RNF130: variants seen among roughly 807,000 people sequenced by gnomAD.
RNF130 encodes the protein ring finger protein 130.
A neutral mutation model predicts 44.6 loss-of-function variants in RNF130; 21 were observed. That is an observed-to-expected ratio of 0.47 (90% CI 0.33 to 0.68). RNF130 has a LOEUF of 0.68. Ranked by LOEUF, RNF130 falls within the 30% of genes least tolerant of loss-of-function variation. The probability of loss-of-function intolerance (pLI) is 0.02; values close to 1 mark genes in which losing one functional copy is unlikely to be tolerated. For synonymous variants in RNF130, 214 were observed against 210.4 expected (o/e 1.02, Z -0.15); for missense variants, 479 against 560.6 (o/e 0.85, Z 1.47).
intron 1 of RNF130, among the ~76,000 whole-genome samples, chr5:180,056,230 A>C (rs1336843389): frequency 6.7e-6 from 1 of 149,346 alleles, no homozygotes; most frequent in Non-Finnish European, 1.5e-5. Flanking sequence ...CTAAGTGTTG[A>C]GCCTTAAGAT....
At chr5:180,026,809 T>C (rs1255099314) in intron 2 of RNF130, among the ~76,000 whole-genome samples, 1 of 152,238 alleles carries the variant, frequency 6.6e-6, no homozygotes, top group Non-Finnish European at 1.5e-5. Context: ...ATATTTATTT[T>C]GTTCAGGGCA....
intron 1 of RNF130, among the ~76,000 whole-genome samples, chr5:180,050,387 T>C (rs904996537): frequency 4.6e-5 from 7 of 152,348 alleles, no homozygotes; most frequent in African/African-American, 1.7e-4. Context: ...TTTTTTGTTC[T>C]ATTCATGCCA....
chr5:179,974,034 AG>A (rs1382788579), intron 5 of RNF130, among the ~76,000 whole-genome samples: 3 of 152,194 alleles, frequency 2.0e-5, no homozygotes, highest in South Asian at 2.1e-4. Flanking sequence ...GTGCTGCGGG[AG>A]GGGAGGCCTC....
intron 1 of RNF130, among the ~76,000 whole-genome samples, chr5:180,041,847 C>T (rs976302994): frequency 1.2e-4 from 18 of 152,120 alleles, no homozygotes; most frequent in African/African-American, 4.1e-4. Flanking sequence ...GAAGCCGAGG[C>T]AGGTAGATTG....
At chr5:180,024,617 GATAA>G (rs1763947411) in intron 2 of RNF130, among the ~76,000 whole-genome samples, 1 of 152,110 alleles carries the variant, frequency 6.6e-6, no homozygotes, top group Admixed American at 6.5e-5. Flanking sequence ...GACACTTTCG[GATAA>G]ATAAATGTTG....
At position 179,966,797 on chromosome 5, in the gene RNF130, C is replaced by A; in HGVS notation, c.1150+9G>T. Reference sequence around the variant, plus strand: ...CATGCCCTGTGCCTGAGCGGAGGCCCCCACTTACTTGTTACTGCAATGTTG... The same window carrying A: ...CATGCCCTGTGCCTGAGCGGAGGCCACCACTTACTTGTTACTGCAATGTTG... On this transcript the variant is annotated intron_variant, in intron 7 of 8. Transcript: ENST00000521389. The A allele has an allele frequency of 1.2e-6, 2 of 1,611,432 alleles. No individual in the cohort carries two copies. The highest frequency in any genetic ancestry group is 1.1e-5 in the South Asian group (1 of 90,526).
At chr5:179,979,702 C>A (rs1186178924) in intron 4 of RNF130, among the ~76,000 whole-genome samples, 1 of 152,172 alleles carries the variant, frequency 6.6e-6, no homozygotes, top group Non-Finnish European at 1.5e-5. Flanking sequence ...AGGGATGACC[C>A]TGACACACTT....
intron 2 of RNF130, among the ~76,000 whole-genome samples, chr5:180,017,809 G>A (rs893246128): frequency 2.6e-5 from 4 of 152,148 alleles, no homozygotes; most frequent in Admixed American, 6.5e-5. Context: ...TTTGGGCTCC[G>A]GAATCGGAGG....
At chr5:179,950,582 C>A (rs1258588803), downstream of RNF130, among the ~76,000 whole-genome samples, 2 of 152,182 alleles carry the variant, frequency 1.3e-5, no homozygotes. Flanking sequence ...TTCAAAGTCA[C>A]AAACAGGTTC....
chr5:180,037,731 C>A (rs577672359), intron 2 of RNF130, among the ~76,000 whole-genome samples: 14 of 152,220 alleles, frequency 9.2e-5, no homozygotes, highest in Non-Finnish European at 1.6e-4. Flanking sequence ...AATTAATGAT[C>A]GCAGTGTGCA....
At chr5:180,015,760 G>A (rs939844943) in intron 2 of RNF130, among the ~76,000 whole-genome samples, 5 of 151,830 alleles carry the variant, frequency 3.3e-5, no homozygotes, top group African/African-American at 1.2e-4. Flanking sequence ...AAGGAGTAGG[G>A]AAAGGAGTAG....
rs369975739 is a variant in RNF130, at chr5:179,993,640, G to A, written c.694-13440C>T. ...CTGGATATTAGCCCTTTGTCAGATG[G>A]GTAGATTGCAAAAATTTTCTCCCAT... On this transcript the variant is annotated intron_variant, in intron 3 of 8. Coordinates refer to ENST00000521389, the MANE Select transcript of RNF130 (RefSeq NM_018434.6). Among the ~76,000 whole-genome samples, 6 of 152,024 alleles carry A rather than the reference G, an allele frequency of 3.9e-5. No homozygotes were observed. In the East Asian group the frequency reaches 5.8e-4, roughly 15 times the overall value.
At chr5:179,935,945 C>T (rs1335508713) in intron 7 of RNF130, among the ~76,000 whole-genome samples, 1 of 152,108 alleles carries the variant, frequency 6.6e-6, no homozygotes, top group African/African-American at 2.4e-5. Flanking sequence ...AAGCGGTCTC[C>T]ACAAGGGATG....
intron 1 of RNF130, among the ~76,000 whole-genome samples, chr5:180,053,464 G>A (rs749614697): frequency 1.3e-5 from 2 of 152,124 alleles, no homozygotes; most frequent in Non-Finnish European, 2.9e-5. Context: ...GAACACACAA[G>A]ACAAATTAAG....
chr5:180,028,858 A>C (rs571792342), intron 2 of RNF130, among the ~76,000 whole-genome samples: 1 of 152,366 alleles, frequency 6.6e-6, no homozygotes, highest in Non-Finnish European at 1.5e-5. Flanking sequence ...AAGTATACTT[A>C]GAAATTTTTT....
chr5:179,963,725 T>C lies in RNF130; in HGVS notation c.1151-161A>G, dbSNP rs959928826. On this transcript the variant is annotated intron_variant, in intron 7 of 8. Coordinates refer to ENST00000521389, the MANE Select transcript of RNF130 (RefSeq NM_018434.6). ...GGAGGTTTGCCAGAGAGCTACTAAC[T>C]GGAGAAGGTTAGTGGAAGTACTGGT... The C allele has an allele frequency of 4.8e-6, 3 of 626,976 alleles. No individual in the cohort carries two copies. The African/African-American group carries it at 5.5e-5, about 11-fold the overall frequency. 38.8% of individuals were successfully genotyped at this position (626,976 alleles called of 1,614,324 possible).
In RNF130 at chr5:179,966,751, G is replaced by T. The variant is rs999055380; in HGVS notation, c.1150+55C>A. The T allele has an allele frequency of 2.9e-5, 44 of 1,520,618 alleles. 1 individual carries two copies. In the African/African-American group the frequency reaches 4.8e-4, roughly 17 times the overall value. 94.2% of individuals were successfully genotyped at this position (1,520,618 alleles called of 1,614,324 possible). A position where few individuals can be genotyped will look rare whatever the true frequency, so the allele number is the denominator to read the frequency against. On this transcript the variant is annotated intron_variant, in intron 7 of 8. Coordinates refer to ENST00000521389, the MANE Select transcript of RNF130 (RefSeq NM_018434.6). Reference sequence around the variant, plus strand: ...GTGCCTTGACTCTCCTGATGGTCCCGAATGCCCACATAGGCAGCCACATGC... The same window carrying T: ...GTGCCTTGACTCTCCTGATGGTCCCTAATGCCCACATAGGCAGCCACATGC...
chr5:179,987,061 T>A (rs1176279210), intron 3 of RNF130, among the ~76,000 whole-genome samples: 1 of 152,220 alleles, frequency 6.6e-6, no homozygotes, highest in African/African-American at 2.4e-5. Flanking sequence ...ACTCTTTGTT[T>A]TTTTTCTACA....
intron 3 of RNF130, among the ~76,000 whole-genome samples, chr5:179,995,708 C>A (rs887982043): frequency 1.3e-5 from 2 of 152,208 alleles, no homozygotes; most frequent in Non-Finnish European, 2.9e-5. Context: ...TTGCACACTT[C>A]CCCAGTGGGA....
Sources: gnomAD v4.1 joint callset for allele counts (sites outside exome capture counted in the v4.1 genomes callset) on GRCh38, gnomAD v4.1.1 for gene constraint, MANE v1.5 for transcripts, NCBI Gene and HGNC (gene_info 2026-07-23, HGNC 2026-07-21) for gene names.